Variants in ZNF462 observed in about 807,000 individuals in gnomAD.
The protein encoded by ZNF462 is zinc finger protein 462.
Under a neutral mutation model 201.9 loss-of-function variants are expected in ZNF462, and 10 were observed. That is an observed-to-expected ratio of 0.05 (90% CI 0.03 to 0.08). The LOEUF is 0.08. ZNF462 is among the 10% of genes least tolerant of loss of function. The pLI, the probability that ZNF462 is intolerant of heterozygous loss-of-function variation, is 1.00. For missense variants in ZNF462, 2,523 were observed against 3,168.3 expected, an observed-to-expected ratio of 0.80 and a Z score of 4.89; for synonymous variants, 1,227 against 1,193.3, an observed-to-expected ratio of 1.03 and a Z score of -0.58.
chr9:106,983,446 G>A (rs1827595859), intron 9 of ZNF462, among the ~76,000 whole-genome samples: 1 of 152,138 alleles, frequency 6.6e-6, no homozygotes. Flanking sequence ...AAGTGTACAG[G>A]TTTGCTTTCA....
chr9:107,011,419 T>C lies in ZNF462; in HGVS notation c.*389T>C, dbSNP rs1188826528. The C allele has an allele frequency of 6.3e-6, 1 of 158,334 alleles. No homozygotes were observed. The highest frequency in any genetic ancestry group is 1.4e-5 in the Non-Finnish European group (1 of 72,490). 9.8% of individuals were successfully genotyped at this position (158,334 alleles called of 1,614,324 possible). ...GGAGCAACTTTTTGACGCACAACTT[T>C]TGGTGCGTTTTTCTAGTTTTAATAC... On this transcript the variant is annotated 3_prime_UTR_variant, in exon 13 of 13. Coordinates refer to ENST00000277225, the MANE Select transcript of ZNF462 (RefSeq NM_021224.6). This position sits in a 1 kb window ranked among gnomAD's most constrained non-coding sequence, Gnocchi z 5.6.
chr9:106,913,026 A>G lies in ZNF462; in HGVS notation c.-30-10328A>G, dbSNP rs913670851. On this transcript the variant is annotated intron_variant, in intron 1 of 12. Coordinates refer to ENST00000277225, the MANE Select transcript of ZNF462 (RefSeq NM_021224.6). This position sits in a 1 kb window ranked among gnomAD's most constrained non-coding sequence, Gnocchi z 4.1. ...AAGGCAACCAAATGGTCTCAAGTGT[A>G]GTCAGGTGATGACTCCAGGTGTCAC... Among the ~76,000 whole-genome samples the G allele has an allele frequency of 1.3e-5, 2 of 152,232 alleles. No homozygotes were observed. The highest frequency in any genetic ancestry group is 2.4e-5 in the African/African-American group (1 of 41,462).
Position 106,938,354 on chromosome 9 carries a change from G to C in ZNF462, c.6236-562G>C, listed in dbSNP as rs1363928381. ...AGATAAGGAAATGGAGTTCTATGCT[G>C]AGGTTTATGAACTGGTCCAAAAATA... On this transcript the variant is annotated intron_variant, in intron 6 of 12. Coordinates refer to ENST00000277225, the MANE Select transcript of ZNF462 (RefSeq NM_021224.6). This position sits in a 1 kb window ranked among gnomAD's most constrained non-coding sequence, Gnocchi z 4.4. Among the ~76,000 whole-genome samples the C allele has an allele frequency of 6.6e-6, 1 of 152,126 alleles. No homozygotes were observed. The highest frequency in any genetic ancestry group is 1.5e-5 in the Non-Finnish European group (1 of 68,028).
intron 7 of ZNF462, among the ~76,000 whole-genome samples, chr9:106,939,511 A>G (rs916235707): frequency 2.0e-5 from 3 of 152,232 alleles, no homozygotes; most frequent in Non-Finnish European, 4.4e-5. Context: ...AGGTATGTAC[A>G]TTAATGACAC....
Position 106,929,600 on chromosome 9 carries a change from C to G in ZNF462, c.5688C>G (p.His1896Gln), listed in dbSNP as rs1304430462. ...RLQNSTYQCK[H>Q]CDSKLQSTAE... Reference sequence around the variant, plus strand: ...AGAACTCCACCTACCAGTGTAAGCACTGTGATAGCAAACTGCAAAGCACAG... The same window carrying G: ...AGAACTCCACCTACCAGTGTAAGCAGTGTGATAGCAAACTGCAAAGCACAG... Residue 1896 changes from histidine to glutamine, a missense_variant, in exon 3 of 13, where the codon CAC becomes CAG. Physicochemically the swap from His to Gln is conservative, Grantham distance 24. Transcript: ENST00000277225. This position sits in a 1 kb window ranked among gnomAD's most constrained non-coding sequence, Gnocchi z 8.7. 6.2e-7 allele frequency: 1 copy of G among 1,614,088 alleles called. No individual in the cohort carries two copies. Among genetic ancestry groups the G allele is most frequent in the Non-Finnish European group, 8.5e-7 (1 of 1,180,046 alleles).
intron 7 of ZNF462, among the ~76,000 whole-genome samples, chr9:106,949,010 C>G (rs530089695): frequency 4.6e-5 from 7 of 152,252 alleles, no homozygotes; most frequent in African/African-American, 1.7e-4. Flanking sequence ...CCACTACTTA[C>G]TTGAGACTTA....
rs995032803 is a variant in ZNF462, at chr9:106,929,840, A to T, written c.5847+81A>T. On this transcript the variant is annotated intron_variant, in intron 3 of 12. Transcript: ENST00000277225. This position sits in a 1 kb window ranked among gnomAD's most constrained non-coding sequence, Gnocchi z 8.7. ...ACATGCACTTCTTCGTTGCCAGCCA[A>T]ACTGCTGCAGGCTTCCTAGTGACTT... 7.6e-7 allele frequency: 1 copy of T among 1,309,662 alleles called. No individual in the cohort carries two copies. The highest frequency in any genetic ancestry group is 1.5e-5 in the African/African-American group (1 of 67,258). 81.1% of individuals were successfully genotyped at this position (1,309,662 alleles called of 1,614,324 possible).
intron 4 of ZNF462, among the ~76,000 whole-genome samples, chr9:106,931,342 C>G (rs1830416155): frequency 6.6e-6 from 1 of 152,176 alleles, no homozygotes; most frequent in African/African-American, 2.4e-5. Context: ...TGTCAGTAAC[C>G]AAGCCACCAT....
At chr9:106,964,459 A>G (rs942951951) in intron 7 of ZNF462, among the ~76,000 whole-genome samples, 2 of 152,080 alleles carry the variant, frequency 1.3e-5, no homozygotes, top group Non-Finnish European at 2.9e-5. Flanking sequence ...AAGCCTATGT[A>G]TTTGAATCTC....
In ZNF462 at chr9:106,924,932, C is replaced by T. The variant is rs1167087595; in HGVS notation, c.1020C>T (p.Pro340=). The change falls in exon 3 of 13, where the codon CCC becomes CCT. Residue 340 remains proline, a synonymous_variant. Coordinates refer to ENST00000277225, the MANE Select transcript of ZNF462 (RefSeq NM_021224.6). The surrounding 1 kb of genome is among the most constrained non-coding windows in gnomAD (Gnocchi z 6.2). ...RPNSSASKFS[P]MSYPQMKPKS... is the part of the protein sequence containing the mutation. The stretch of plus-strand genomic sequence containing the variant: ...ATTCTTCAGCTTCCAAGTTTTCGCC[C>T]ATGTCTTACCCTCAGATGAAGCCGA... The T allele has an allele frequency of 6.2e-7, 1 of 1,614,182 alleles. No individual in the cohort carries two copies. The highest frequency in any genetic ancestry group is 1.1e-5 in the South Asian group (1 of 91,066).
chr9:106,986,704 G>A (rs1245222658), intron 10 of ZNF462, among the ~76,000 whole-genome samples: 1 of 151,908 alleles, frequency 6.6e-6, no homozygotes, highest in Non-Finnish European at 1.5e-5. Flanking sequence ...TGAGATTTTG[G>A]TGCACCCATC....
At chr9:106,898,845 G>T (rs551719210) in intron 1 of ZNF462, among the ~76,000 whole-genome samples, 1 of 152,264 alleles carries the variant, frequency 6.6e-6, no homozygotes, top group African/African-American at 2.4e-5. Flanking sequence ...ATTTGGTTTA[G>T]CAGAATCAGA....
In ZNF462 at chr9:106,972,668, T is replaced by C. The variant is rs924598113; in HGVS notation, c.6695+396T>C. 3.3e-5 allele frequency among the ~76,000 whole-genome samples: 5 copies of C among 152,174 alleles called. No individual in the cohort carries two copies. The highest frequency in any genetic ancestry group is 1.2e-4 in the African/African-American group (5 of 41,430). On this transcript the variant is annotated intron_variant, in intron 8 of 12. Transcript: ENST00000277225. This position sits in a 1 kb window ranked among gnomAD's most constrained non-coding sequence, Gnocchi z 4.8. ...GTCAAGAGAAAACATCCGGCAGTAG[T>C]GTCTTCCCTGCTCCCCTGATAGAAA...
At chr9:107,007,529 A>T (rs757096292) in intron 11 of ZNF462, among the ~76,000 whole-genome samples, 4 of 152,210 alleles carry the variant, frequency 2.6e-5, no homozygotes, top group Non-Finnish European at 5.9e-5. Flanking sequence ...GATTTACATG[A>T]GTAACTTCCA....
chr9:106,986,824 C>T lies in ZNF462; in HGVS notation c.7056+2415C>T, dbSNP rs146063411. Among the ~76,000 whole-genome samples the T allele has an allele frequency of 6.9e-3, 1,054 of 152,152 alleles. 10 individuals carry two copies. Among genetic ancestry groups the T allele is most frequent in the Admixed American group, 0.02 (301 of 15,274 alleles). ...TTGTATTATTCTTAGGCTTTTTTTC[C>T]TGATAGCTTAGCTCCCACATATCAG... is the stretch of plus-strand genomic sequence containing the variant. On this transcript the variant is annotated intron_variant, in intron 10 of 12. Coordinates refer to ENST00000277225, the MANE Select transcript of ZNF462 (RefSeq NM_021224.6).
rs992195046 is a variant in ZNF462, at chr9:106,932,765, T to A, written c.6116+216T>A. The A allele has an allele frequency of 1.1e-5, 7 of 625,634 alleles. No homozygotes were observed. Among genetic ancestry groups the A allele is most frequent in the African/African-American group, 1.1e-4 (6 of 54,234 alleles). 38.8% of individuals were successfully genotyped at this position (625,634 alleles called of 1,614,324 possible). Reference sequence around the variant, plus strand: ...TTAGATTTGGCAAATGCAGGCATTTTAAAAATGAGAATTGGAGGAATTGCT... The same window carrying A: ...TTAGATTTGGCAAATGCAGGCATTTAAAAAATGAGAATTGGAGGAATTGCT... On this transcript the variant is annotated intron_variant, in intron 5 of 12. Coordinates refer to ENST00000277225, the MANE Select transcript of ZNF462 (RefSeq NM_021224.6). The surrounding 1 kb of genome is among the most constrained non-coding windows in gnomAD (Gnocchi z 6.8).
intron 9 of ZNF462, among the ~76,000 whole-genome samples, chr9:106,980,379 T>G (rs1034858097): frequency 6.6e-6 from 1 of 152,126 alleles, no homozygotes; most frequent in African/African-American, 2.4e-5. Flanking sequence ...TTTGGTGGAG[T>G]GAAGAACTTC....
chr9:106,994,592 G>T (rs1828550813), intron 10 of ZNF462, among the ~76,000 whole-genome samples: 1 of 152,010 alleles, frequency 6.6e-6, no homozygotes, highest in South Asian at 2.1e-4. Flanking sequence ...GGCTTCTCTA[G>T]AAGACTATGC....
chr9:106,909,243 C>T (rs917590731), intron 1 of ZNF462, among the ~76,000 whole-genome samples: 2 of 135,504 alleles, frequency 1.5e-5, no homozygotes, highest in Non-Finnish European at 3.1e-5. Context: ...GATTACAGGC[C>T]CGTTAATATT....
Sources: allele counts gnomAD v4.1 joint callset (sites outside exome capture counted in the v4.1 genomes callset), GRCh38; gene constraint gnomAD v4.1.1; non-coding constraint Gnocchi (gnomAD v3.1); transcripts MANE v1.5; gene names NCBI Gene and HGNC (gene_info 2026-07-23, HGNC 2026-07-21).